DIP2A: variants seen among roughly 807,000 people sequenced by gnomAD.
The protein encoded by DIP2A is disco-interacting protein 2 homolog A.
Under a neutral mutation model 177.4 loss-of-function variants are expected in DIP2A, and 85 were observed. That is an observed-to-expected ratio of 0.48 (90% CI 0.40 to 0.57). The LOEUF (loss-of-function observed/expected upper bound fraction) is 0.57, where lower values mean the gene tolerates loss of function less well. Ranked by LOEUF, DIP2A falls within the 20% of genes least tolerant of loss-of-function variation. DIP2A has a pLI of 0.00. For missense variants in DIP2A, 1,791 were observed against 2,100.2 expected (o/e 0.85, Z 2.88); for synonymous variants, 886 against 881.8 (o/e 1.00, Z -0.08).
intron 9 of DIP2A, among the ~76,000 whole-genome samples, chr21:46,530,526 A>T (rs1445314388): frequency 2.0e-5 from 3 of 152,240 alleles, no homozygotes; most frequent in Non-Finnish European, 4.4e-5. Flanking sequence ...GAAATCAGAG[A>T]TGAAGATGTT....
intron 3 of DIP2A, among the ~76,000 whole-genome samples, chr21:46,495,244 T>TTCTTTCTCTCTCTCTCTCTCTCTC (rs2057274679): frequency 1.3e-4 from 5 of 38,204 alleles, no homozygotes; most frequent in Admixed American, 3.0e-4. Context: ...CTTCTCTTCT[T>TTCTTTCTCTCTCTCTCTCTCTCTC]TCTCTCTCTC....
chr21:46,542,204 G>A (rs1428216342), intron 18 of DIP2A, among the ~76,000 whole-genome samples: 1 of 152,082 alleles, frequency 6.6e-6, no homozygotes. Context: ...CCCTCCCTTT[G>A]TGCTAAGTTT....
chr21:46,511,358 ACAG>A, intron 7 of DIP2A, 56 bp from the exon 8 acceptor site: 1 of 1,487,604 alleles, frequency 6.7e-7, no homozygotes, highest in African/African-American at 1.4e-5. Context: ...ATGCTTAAAA[ACAG>A]AATGTGTTCG....
At chr21:46,500,174 T>C (rs1207308618) in intron 5 of DIP2A, among the ~76,000 whole-genome samples, 1 of 152,228 alleles carries the variant, frequency 6.6e-6, no homozygotes, top group African/African-American at 2.4e-5. Context: ...CCATTGAACA[T>C]GTGTCCTTCT....
At chr21:46,564,264 G>A (rs533495364) in intron 35 of DIP2A, among the ~76,000 whole-genome samples, 2 of 152,280 alleles carry the variant, frequency 1.3e-5, no homozygotes, top group African/African-American at 4.8e-5. Context: ...CTACGTAAAC[G>A]TGGTCCCTGG....
At chr21:46,526,588 T>A (rs990506596) in intron 8 of DIP2A, among the ~76,000 whole-genome samples, 8 of 151,816 alleles carry the variant, frequency 5.3e-5, no homozygotes, top group African/African-American at 1.9e-4. Context: ...AGAGACAGGG[T>A]TTTACCATCT....
In DIP2A at chr21:46,459,030, G is replaced by T. The variant is rs1048283549; in HGVS notation, c.-102G>T. The T allele has an allele frequency of 1.2e-5, 12 of 964,066 alleles. No individual in the cohort carries two copies. The highest frequency in any genetic ancestry group is 1.7e-5 in the African/African-American group (1 of 57,442). The allele number at this position is 964,066 out of a possible 1,614,324, so 59.7% of individuals were successfully genotyped here. On this transcript the variant is annotated 5_prime_UTR_variant, in exon 1 of 38. The change abolishes an upstream ATG in the 5' untranslated region. Transcript: ENST00000417564. ...GCCTCCCGCTCCTCGCCTGGCGGAT[G>T]TAGGTTGTTGGCCTGAGGGGAGCTA...
At chr21:46,507,424 T>C (rs1369708550) in intron 6 of DIP2A, among the ~76,000 whole-genome samples, 1 of 152,188 alleles carries the variant, frequency 6.6e-6, no homozygotes, top group Non-Finnish European at 1.5e-5. Context: ...TACATTTTTG[T>C]ATGTGGGTAT....
intron 28 of DIP2A, chr21:46,555,690 C>T (rs1358228466): frequency 4.7e-6 from 2 of 423,940 alleles, no homozygotes; most frequent in Non-Finnish European, 8.7e-6. Context: ...CCCTAGTCCT[C>T]TAATCTTTCC....
intron 31 of DIP2A, 75 bp from the exon 32 acceptor site, chr21:46,558,148 T>C: frequency 6.8e-7 from 1 of 1,468,224 alleles, no homozygotes; most frequent in Non-Finnish European, 9.1e-7. Flanking sequence ...ACCCGGAGAT[T>C]TCCCAAAACA....
chr21:46,476,531 A>T (rs1568925467), intron 1 of DIP2A, among the ~76,000 whole-genome samples: 1 of 152,130 alleles, frequency 6.6e-6, no homozygotes, highest in African/African-American at 2.4e-5. Flanking sequence ...AAATGGAGAG[A>T]GCCATCAGAC....
rs2057490027 is a variant in DIP2A, at chr21:46,498,674, T to C, written c.496T>C (p.Trp166Arg). Residue 166 changes from tryptophan (W) to arginine (R), a missense_variant, in exon 5 of 38, where the codon TGG becomes CGG. Physicochemically the swap from Trp to Arg is moderately radical, Grantham distance 101. Coordinates refer to ENST00000417564, the MANE Select transcript of DIP2A (RefSeq NM_015151.4). The surrounding 1 kb of genome is among the most constrained non-coding windows in gnomAD (Gnocchi z 4.3). ...PLQSHSSVEP[W>R]LDRVIQGSST... ...CCAGAGCCATTCCAGCGTCGAGCCC[T>C]GGCTCGACCGGGTCATTCAGGGCTC... 6.2e-7 allele frequency: 1 copy of C among 1,613,812 alleles called. No individual in the cohort carries two copies.
downstream of DIP2A, among the ~76,000 whole-genome samples, chr21:46,570,408 A>G (rs2060947157): frequency 6.6e-6 from 1 of 152,152 alleles, no homozygotes; most frequent in Non-Finnish European, 1.5e-5. Flanking sequence ...GTTCATGGCC[A>G]TTTTTAGTTC....
At chr21:46,480,262 G>A (rs2056246898) in intron 1 of DIP2A, among the ~76,000 whole-genome samples, 2 of 152,158 alleles carry the variant, frequency 1.3e-5, no homozygotes, top group African/African-American at 4.8e-5. Context: ...GACGTCCTAC[G>A]TGGTGGCAGG....
At chr21:46,509,457 T>C in intron 7 of DIP2A, 81 bp downstream of exon 7, 2 of 1,504,194 alleles carry the variant, frequency 1.3e-6, no homozygotes, top group African/African-American at 2.8e-5. Flanking sequence ...CAAATGTATA[T>C]TATACATGGA....
rs766834190 is a variant in DIP2A, at chr21:46,497,542, C to T, written c.403+435C>T. Among the ~76,000 whole-genome samples the T allele has an allele frequency of 2.4e-4, 37 of 152,104 alleles. 1 individual carries two copies. Among genetic ancestry groups the T allele is most frequent in the South Asian group, 8.3e-4 (4 of 4,824 alleles). On this transcript the variant is annotated intron_variant, in intron 4 of 37. Transcript: ENST00000417564. ...GTATAAGACTATTTGGAAAGTTTTG[C>T]GGTTGATTTTGTTGTTGTTTTATTG...
At chr21:46,487,456 G>T (rs2056760684) in intron 2 of DIP2A, among the ~76,000 whole-genome samples, 1 of 152,164 alleles carries the variant, frequency 6.6e-6, no homozygotes, top group Non-Finnish European at 1.5e-5. Context: ...TGCTGGCCAT[G>T]CCCATTCTTA....
downstream of DIP2A, among the ~76,000 whole-genome samples, chr21:46,570,456 T>C (rs1352986778): frequency 6.6e-6 from 1 of 152,232 alleles, no homozygotes; most frequent in East Asian, 1.9e-4. Flanking sequence ...GCAGTCCTTA[T>C]GGTCAAGTTT....
chr21:46,556,828 G>A lies in DIP2A; in HGVS notation c.3499-111G>A. ...TTTTAAGGAAATAAATATGATGTTT[G>A]GTAGTTCGGAGCTATGGTCTAGCCA... is the stretch of plus-strand genomic sequence containing the variant. On this transcript the variant is annotated intron_variant, in intron 29 of 37. Transcript: ENST00000417564. This position sits in a 1 kb window ranked among gnomAD's most constrained non-coding sequence, Gnocchi z 4.5. The A allele has an allele frequency of 1.1e-6, 1 of 921,412 alleles. No homozygotes were observed. Among genetic ancestry groups the A allele is most frequent in the East Asian group, 2.7e-5 (1 of 37,278 alleles). The allele number at this position is 921,412 out of a possible 1,614,324, so 57.1% of individuals were successfully genotyped here.
Sources: allele counts gnomAD v4.1 joint callset (sites outside exome capture counted in the v4.1 genomes callset), GRCh38; gene constraint gnomAD v4.1.1; non-coding constraint Gnocchi (gnomAD v3.1); transcripts MANE v1.5; gene names NCBI Gene and HGNC (gene_info 2026-07-23, HGNC 2026-07-21).